KCNA3: variants seen among roughly 807,000 people sequenced by gnomAD.
KCNA3 encodes the protein potassium voltage-gated channel subfamily A member 3, also known as RP11-284N8.3.
A neutral mutation model predicts 34.3 loss-of-function variants in KCNA3; 18 were observed. That is an observed-to-expected ratio of 0.52 (90% CI 0.36 to 0.78). The LOEUF (loss-of-function observed/expected upper bound fraction) is 0.78. Among genes scored for constraint, KCNA3 ranks in the 30% least tolerant of loss-of-function variants. The probability of loss-of-function intolerance (pLI) is 0.00; values close to 1 mark genes in which losing one functional copy is unlikely to be tolerated. For synonymous variants in KCNA3, 324 were observed against 351.7 expected (o/e 0.92, Z 0.88); for missense variants, 587 against 802.5 (o/e 0.73, Z 3.24).
At chr1:110,664,449 G>C in the KCNA3 span, among the ~76,000 whole-genome samples, 3 of 152,114 alleles carry the variant, frequency 2.0e-5, no homozygotes, top group South Asian at 6.2e-4. Flanking sequence ...GCATGTTTTC[G>C]CAAATGCAAG....
the KCNA3 span, among the ~76,000 whole-genome samples, chr1:110,665,238 A>C: frequency 6.6e-6 from 1 of 152,232 alleles, no homozygotes; most frequent in Non-Finnish European, 1.5e-5. Flanking sequence ...GAAGGATGGA[A>C]ACTGGAGGAC....
chr1:110,664,027 A>G, the KCNA3 span, among the ~76,000 whole-genome samples: 1 of 152,204 alleles, frequency 6.6e-6, no homozygotes, highest in African/African-American at 2.4e-5. Context: ...CTGTAATGTG[A>G]TTCACTAGTG....
chr1:110,666,092 A>G, the KCNA3 span, among the ~76,000 whole-genome samples: 2 of 152,244 alleles, frequency 1.3e-5, no homozygotes, highest in East Asian at 3.8e-4. Flanking sequence ...AACATACTAT[A>G]TTTAATGCAT....
chr1:110,663,551 A>T, the KCNA3 span, among the ~76,000 whole-genome samples: 32 of 152,334 alleles, frequency 2.1e-4, no homozygotes, highest in South Asian at 6.4e-3. Flanking sequence ...AGGGGTGTGG[A>T]GAAAGTTCCT....
Position 110,673,837 on chromosome 1 carries a change from G to A in KCNA3, c.973C>T (p.Arg325Ter). ...FACPSKATFSRNIMNLIDIVA... is the reference protein window; with the variant it reads ...FACPSKATFS ...ATGTCGATCAGGTTCATGATGTTTC[G>A]CGAGAAGGTGGCTTTGCTAGGACAA... is the stretch of plus-strand genomic sequence containing the variant. Residue 325 changes from arginine (R) to a stop codon, truncating the protein, a stop_gained, in exon 1 of 1, where the codon CGA becomes TGA. Transcript: ENST00000369769. LOFTEE classifies it high-confidence loss of function. The surrounding 1 kb of genome is among the most constrained non-coding windows in gnomAD (Gnocchi z 8.8). 1.2e-6 allele frequency: 2 copies of A among 1,614,092 alleles called. No homozygotes were observed. The highest frequency in any genetic ancestry group is 1.7e-6 in the Non-Finnish European group (2 of 1,180,024).
At chr1:110,654,335 T>C in the KCNA3 span, 1 of 152,202 alleles carries the variant, frequency 6.6e-6, no homozygotes, top group Admixed American at 6.5e-5. Flanking sequence ...CTCTTCTCTG[T>C]CCTCCACTAA....
the KCNA3 span, among the ~76,000 whole-genome samples, chr1:110,664,448 C>T: frequency 5.3e-5 from 8 of 152,194 alleles, no homozygotes; most frequent in South Asian, 2.1e-4. Context: ...AGCATGTTTT[C>T]GCAAATGCAA....
chr1:110,673,967 C>G lies in KCNA3; in HGVS notation c.843G>C (p.Thr281=). The G allele has an allele frequency of 6.2e-7, 1 of 1,613,894 alleles. No individual in the cohort carries two copies. The highest frequency in any genetic ancestry group is 1.1e-5 in the South Asian group (1 of 91,054). Residue 281 remains threonine, a synonymous_variant, in exon 1 of 1, where the codon ACG becomes ACC. Coordinates refer to ENST00000369769, the MANE Select transcript of KCNA3 (RefSeq NM_002232.5). This position sits in a 1 kb window ranked among gnomAD's most constrained non-coding sequence, Gnocchi z 8.8. ...TGGAGGCTCCTGCGCGGGACCCCGA[C>G]GTGCTGTTGCCGGCTGCTTCGAATG... ...QDSFEAAGNS[T]SGSRAGASSF...
chr1:110,664,314 G>A, the KCNA3 span, among the ~76,000 whole-genome samples: 1 of 152,126 alleles, frequency 6.6e-6, no homozygotes, highest in Non-Finnish European at 1.5e-5. Context: ...CTAACTTCCA[G>A]GTATCCTTAG....
Position 110,674,018 on chromosome 1 carries a change from G to A in KCNA3, c.792C>T (p.Asp264=). 1 of 1,610,772 alleles carries A rather than the reference G, an allele frequency of 6.2e-7. No individual in the cohort carries two copies. Among genetic ancestry groups the A allele is most frequent in the Non-Finnish European group, 8.5e-7 (1 of 1,177,938 alleles). ...ETLPEFRDEK[D]YPASTSQDSF... ...AGTCCTGCGACGTCGAGGCGGGGTA[G>A]TCCTTCTCGTCGCGGAACTCCGGCA... Residue 264 remains aspartate, a synonymous_variant, in exon 1 of 1, where the codon GAC becomes GAT. Transcript: ENST00000369769. This position sits in a 1 kb window ranked among gnomAD's most constrained non-coding sequence, Gnocchi z 6.4.
chr1:110,655,868 A>G, the KCNA3 span: 1 of 152,154 alleles, frequency 6.6e-6, no homozygotes, highest in African/African-American at 2.4e-5. Context: ...CAATAGGTAT[A>G]GTCGCCTCTT....
chr1:110,664,286 T>C, the KCNA3 span, among the ~76,000 whole-genome samples: 1 of 152,202 alleles, frequency 6.6e-6, no homozygotes. Context: ...TGAAAAAACA[T>C]GGTCTTTGTG....
chr1:110,657,266 C>T, the KCNA3 span, among the ~76,000 whole-genome samples: 3 of 152,000 alleles, frequency 2.0e-5, no homozygotes, highest in Non-Finnish European at 4.4e-5. Flanking sequence ...AGGCTGGTCT[C>T]GAACTCCTGA....
chr1:110,674,234 C>T lies in KCNA3; in HGVS notation c.576G>A (p.Glu192=), dbSNP rs755938118. 2 of 1,613,970 alleles carry T rather than the reference C, an allele frequency of 1.2e-6. No individual in the cohort carries two copies. The highest frequency in any genetic ancestry group is 4.5e-5 in the East Asian group (2 of 44,850). The change falls in exon 1 of 1, where the codon GAG becomes GAA. Residue 192 remains glutamate, a synonymous_variant. Coordinates refer to ENST00000369769, the MANE Select transcript of KCNA3 (RefSeq NM_002232.5). The surrounding 1 kb of genome is among the most constrained non-coding windows in gnomAD (Gnocchi z 6.4). ...EEIRFYQLGE[E]AMEKFREDEG... ...CGTCCTCGCGGAACTTCTCCATGGC[C>T]TCCTCGCCCAGCTGGTAGAAGCGGA...
chr1:110,657,605 C>A, the KCNA3 span, among the ~76,000 whole-genome samples: 1 of 152,134 alleles, frequency 6.6e-6, no homozygotes, highest in African/African-American at 2.4e-5. Flanking sequence ...CATCTGACAC[C>A]ATCCTGTGCT....
chr1:110,673,667 G>A lies in KCNA3; in HGVS notation c.1143C>T (p.Ser381=), dbSNP rs1407082050. The A allele has an allele frequency of 6.2e-7, 1 of 1,614,192 alleles. No homozygotes were observed. The highest frequency in any genetic ancestry group is 8.5e-7 in the Non-Finnish European group (1 of 1,180,046). Residue 381 remains serine, a synonymous_variant, in exon 1 of 1, where the codon TCC becomes TCT. Transcript: ENST00000369769. This position sits in a 1 kb window ranked among gnomAD's most constrained non-coding sequence, Gnocchi z 8.8. ...TTTGCCCGAGGATCTGCAGCCCCTT[G>A]GAGTGGCGCGACAGCTTGAAGATGC... The part of the protein sequence containing the change: ...VFRIFKLSRH[S]KGLQILGQTL...
chr1:110,654,439 G>A, the KCNA3 span: 3 of 152,010 alleles, frequency 2.0e-5, no homozygotes, highest in Admixed American at 6.6e-5. Context: ...GCAGTTTCTT[G>A]GATTGATTAC....
Position 110,673,187 on chromosome 1 carries a change from A to G in KCNA3, c.1623T>C (p.Ala541=), listed in dbSNP as rs1266976483. The change falls in exon 1 of 1, where the codon GCT becomes GCC. Residue 541 remains alanine, a synonymous_variant. Transcript: ENST00000369769. This position sits in a 1 kb window ranked among gnomAD's most constrained non-coding sequence, Gnocchi z 8.8. The part of the protein sequence containing the change: ...VIEEGGMNHS[A]FPQTPFKTGN... ...CCGTTTTGAAAGGGGTCTGGGGGAAAGCGCTATGGTTCATACCCCCCTCTT... is the reference window on the plus strand; with the variant it reads ...CCGTTTTGAAAGGGGTCTGGGGGAAGGCGCTATGGTTCATACCCCCCTCTT... 1.9e-6 allele frequency: 3 copies of G among 1,614,044 alleles called. No homozygotes were observed. The highest frequency in any genetic ancestry group is 2.2e-5 in the South Asian group (2 of 91,066).
At chr1:110,668,323 A>C (rs1371333560), downstream of KCNA3, among the ~76,000 whole-genome samples, 3 of 152,104 alleles carry the variant, frequency 2.0e-5, no homozygotes, top group Non-Finnish European at 4.4e-5. Flanking sequence ...CACAGCTGAG[A>C]GGTGGGAAGG....
Sources: allele counts gnomAD v4.1 joint callset (sites outside exome capture counted in the v4.1 genomes callset), GRCh38; gene constraint gnomAD v4.1.1; non-coding constraint Gnocchi (gnomAD v3.1); transcripts MANE v1.5; gene names NCBI Gene and HGNC (gene_info 2026-07-23, HGNC 2026-07-21).